SPATA31A1: variants seen among roughly 807,000 people sequenced by gnomAD.
The protein encoded by SPATA31A1 is SPATA31 subfamily A member 1, also known as spermatogenesis-associated protein 31A1.
For missense variants in SPATA31A1, 579 were observed against 1,476.3 expected, an observed-to-expected ratio of 0.39 and a Z score of 9.96; for synonymous variants, 194 against 573.4, an observed-to-expected ratio of 0.34 and a Z score of 9.45.
chr9:39,361,099 A>G lies in SPATA31A1; in HGVS notation c.3334A>G (p.Lys1112Glu), dbSNP rs1823456076. 1 of 1,611,212 alleles carries G rather than the reference A, an allele frequency of 6.2e-7. No individual in the cohort carries two copies. Among genetic ancestry groups the G allele is most frequent in the Admixed American group, 1.7e-5 (1 of 59,936 alleles). ...GTTTCCCCCTATTCACAAGAGTGAG[A>G]AGTCTAGGAAGCCCAACTTAGAAAA... is the stretch of plus-strand genomic sequence containing the variant. Reference protein sequence around the residue: ...PMFPPIHKSEKSRKPNLEKHE... With the variant: ...PMFPPIHKSEESRKPNLEKHE... Residue 1112 changes from lysine to glutamate, a missense_variant, in exon 4 of 4, where the codon AAG (lysine) becomes GAG (glutamate). Coordinates refer to ENST00000377647, the MANE Select transcript of SPATA31A1 (RefSeq NM_001085452.4).
At chr9:39,357,999 T>A in intron 3 of SPATA31A1, 75 bp from the exon 4 acceptor site, 17 of 1,580,436 alleles carry the variant, frequency 1.1e-5, no homozygotes, top group Non-Finnish European at 1.5e-5. Context: ...GTGGAGGGGC[T>A]GTGGCCCGAG....
At position 39,358,608 on chromosome 9, in the gene SPATA31A1, C is replaced by T. The variant is rs1412104132; in HGVS notation, c.843C>T (p.Ser281=). Reference sequence around the variant, plus strand: ...CAAACAGTCATGTTTCTGCCTCCTCCCGGTGGCAGGAGACTGCCAGAACCT... The same window carrying T: ...CAAACAGTCATGTTTCTGCCTCCTCTCGGTGGCAGGAGACTGCCAGAACCT... The part of the protein sequence containing the change: ...GGSNSHVSAS[S]RWQETARTSC... The change falls in exon 4 of 4, where the codon TCC becomes TCT. Residue 281 remains serine, a synonymous_variant. Coordinates refer to ENST00000377647, the MANE Select transcript of SPATA31A1 (RefSeq NM_001085452.4). 118 of 1,600,318 alleles carry T rather than the reference C, an allele frequency of 7.4e-5. No homozygotes were observed. The highest frequency in any genetic ancestry group is 9.7e-5 in the Non-Finnish European group (114 of 1,179,048).
rs1205616853 is a variant in SPATA31A1 at position 39,357,526 on chromosome 9, C to T, written c.248-232C>T. ...ACCTCAGTCCTTTCTCCCCACAGGG[C>T]AGTTGTGAGGACTGTGGGGGTGGGG... On this transcript the variant is annotated intron_variant, in intron 2 of 3. Transcript: ENST00000377647. 1.0e-5 allele frequency: 6 copies of T among 591,166 alleles called. No homozygotes were observed. The East Asian group carries it at 1.8e-4, about 17-fold the overall frequency. The allele number at this position is 591,166 out of a possible 1,614,324, so 36.6% of individuals were successfully genotyped here.
chr9:39,361,350 C>G lies in SPATA31A1; in HGVS notation c.3585C>G (p.Asn1195Lys), dbSNP rs2118438149. 6.2e-7 allele frequency: 1 copy of G among 1,613,590 alleles called. No individual in the cohort carries two copies. The highest frequency in any genetic ancestry group is 1.1e-5 in the South Asian group (1 of 91,056). ...VTAESQKTVK[N>K]RSCVYSSSAE... ...CTGAGAGCCAAAAAACAGTGAAAAA[C>G]AGATCATGTGTGTACAGCAGCAGTG... The change falls in exon 4 of 4, where the codon AAC becomes AAG. Residue 1195 changes from asparagine to lysine, a missense_variant. Asn to Lys is a moderately conservative substitution (Grantham distance 94, BLOSUM62 0). Coordinates refer to ENST00000377647, the MANE Select transcript of SPATA31A1 (RefSeq NM_001085452.4).
Position 39,361,962 on chromosome 9 carries a change from A to G in SPATA31A1, c.*153A>G. ...CAATATATATGGTTTTTTATTCATA[A>G]GAGGGTGATGGCTTTTATTTGTGCC... On this transcript the variant is annotated 3_prime_UTR_variant, in exon 4 of 4. Transcript: ENST00000377647. 1 of 1,234,936 alleles carries G rather than the reference A, an allele frequency of 8.1e-7. No individual in the cohort carries two copies. 76.5% of individuals were successfully genotyped at this position (1,234,936 alleles called of 1,614,324 possible).
intron 2 of SPATA31A1, chr9:39,357,408 A>T (rs1823356168): frequency 3.4e-6 from 1 of 292,946 alleles, no homozygotes; most frequent in African/African-American, 2.8e-5. Flanking sequence ...TGGGGAGACC[A>T]ATGCCTGCCT....
chr9:39,357,658 T>C, intron 2 of SPATA31A1, 100 bp from the exon 3 acceptor site: 1 of 1,594,244 alleles, frequency 6.3e-7, no homozygotes, highest in East Asian at 2.2e-5. Context: ...GGGCCCAGGG[T>C]CTAATTCCCC....
chr9:39,357,889 T>C, intron 3 of SPATA31A1, 71 bp downstream of exon 3: 3 of 1,504,006 alleles, frequency 2.0e-6, no homozygotes, highest in Non-Finnish European at 2.7e-6. Flanking sequence ...ACAGGCAGCC[T>C]GGAGCTGACC....
At chr9:39,357,599 T>C (rs1236808921) in intron 2 of SPATA31A1, among the ~76,000 whole-genome samples, 159 bp from the exon 3 acceptor site, 1 of 150,876 alleles carries the variant, frequency 6.6e-6, no homozygotes, top group Admixed American at 6.6e-5. Flanking sequence ...CTGTCCTCCA[T>C]GCATTGCTAT....
intron 3 of SPATA31A1, 116 bp downstream of exon 3, chr9:39,357,934 G>A (rs1251697167): frequency 2.5e-6 from 4 of 1,590,448 alleles, no homozygotes; most frequent in Admixed American, 3.4e-5. Flanking sequence ...GAGGATGGGA[G>A]TAAAACCCTG....
chr9:39,359,217 A>G lies in SPATA31A1; in HGVS notation c.1452A>G (p.Ser484=). The G allele has an allele frequency of 5.0e-6, 8 of 1,611,476 alleles. No homozygotes were observed. The South Asian group carries it at 5.5e-5, about 11-fold the overall frequency. Reference sequence around the variant, plus strand: ...GGCCCGAGTGCCAACCCTTTATTTCATCCACACCCCAATTCCGGCCCACAC... The same window carrying G: ...GGCCCGAGTGCCAACCCTTTATTTCGTCCACACCCCAATTCCGGCCCACAC... ...HLGPECQPFI[S]STPQFRPTPM... is the part of the protein sequence containing the mutation. The change falls in exon 4 of 4, where the codon TCA becomes TCG. Residue 484 remains serine, a synonymous_variant. Coordinates refer to ENST00000377647, the MANE Select transcript of SPATA31A1 (RefSeq NM_001085452.4).
In SPATA31A1 at chr9:39,361,539, C is replaced by T. The variant is rs1250150177; in HGVS notation, c.3774C>T (p.His1258=). ...CNHRHLFYSE[H]GRILSYAASS... ...ACAGGCACCTCTTCTACTCAGAACA[C>T]GGCAGAATACTGAGCTATGCAGCCA... Residue 1258 remains histidine (H), a synonymous_variant, in exon 4 of 4, where the codon CAC becomes CAT. Transcript: ENST00000377647. The T allele has an allele frequency of 5.0e-5, 81 of 1,612,600 alleles. 3 individuals carry two copies. The highest frequency in any genetic ancestry group is 3.5e-4 in the Middle Eastern group (2 of 5,754).
In SPATA31A1 at chr9:39,355,895, C is replaced by T. The variant is rs561000099; in HGVS notation, c.165C>T (p.Pro55=). ...YLSYFRCDDP[P]SPSPGKRKCP... is the part of the protein sequence containing the mutation. ...CTTACTTCCGTTGTGATGACCCACCCTCACCATCGCCTGGGAAGAGAAAGG... is the reference window on the plus strand; with the variant it reads ...CTTACTTCCGTTGTGATGACCCACCTTCACCATCGCCTGGGAAGAGAAAGG... The change falls in exon 1 of 4, where the codon CCC becomes CCT. Residue 55 remains proline, a synonymous_variant. Transcript: ENST00000377647. The T allele has an allele frequency of 5.7e-3, 1,579 of 276,600 alleles. 12 individuals are homozygous for T. Among genetic ancestry groups the T allele is most frequent in the Admixed American group, 0.011 (133 of 11,994 alleles). The allele number at this position is 276,600 out of a possible 1,614,324, so 17.1% of individuals were successfully genotyped here. A position where few individuals can be genotyped will look rare whatever the true frequency, so the allele number is the denominator to read the frequency against.
Position 39,358,713 on chromosome 9 carries a change from C to T in SPATA31A1, c.948C>T (p.Ser316=), listed in dbSNP as rs1823389676. The change falls in exon 4 of 4, where the codon AGC becomes AGT. Residue 316 remains serine, a synonymous_variant. Coordinates refer to ENST00000377647, the MANE Select transcript of SPATA31A1 (RefSeq NM_001085452.4). ...AGACCTACCAGATGGAAGCTGGTAG[C>T]CTGTTTTTGCTCAGCTCTGATGGCC... ...PPETYQMEAG[S]LFLLSSDGQN... The T allele has an allele frequency of 5.6e-6, 9 of 1,607,130 alleles. No individual in the cohort carries two copies. In the African/African-American group the frequency reaches 8.0e-5, roughly 14 times the overall value.
Position 39,359,096 on chromosome 9 carries a change from C to A in SPATA31A1, c.1331C>A (p.Pro444His), listed in dbSNP as rs1823398352. The change falls in exon 4 of 4, where the codon CCT becomes CAT. Residue 444 changes from proline to histidine, a missense_variant. Transcript: ENST00000377647. The stretch of plus-strand genomic sequence containing the variant: ...AGGTCTTATACTTTACAGTCTCCTC[C>A]TTTCTTGTTCAATGAAATGTCCAAT... ...TDRSYTLQSPPFLFNEMSNVC... is the reference protein window; with the variant it reads ...TDRSYTLQSPHFLFNEMSNVC... The A allele has an allele frequency of 6.2e-7, 1 of 1,610,134 alleles. No homozygotes were observed. Among genetic ancestry groups the A allele is most frequent in the African/African-American group, 1.3e-5 (1 of 74,400 alleles).
rs1162959457 is a variant in SPATA31A1 at position 39,361,154 on chromosome 9, C to T, written c.3389C>T (p.Thr1130Ile). The T allele has an allele frequency of 1.4e-5, 23 of 1,611,118 alleles. No homozygotes were observed. Among genetic ancestry groups the T allele is most frequent in the Non-Finnish European group, 1.9e-5 (22 of 1,179,656 alleles). The change falls in exon 4 of 4, where the codon ACT (threonine) becomes ATT (isoleucine). Residue 1130 changes from threonine to isoleucine, a missense_variant. Transcript: ENST00000377647. ...GAAGAAAGGCTTGAAGGATTGAGGA[C>T]TCCTCAACTTACCCCAGTCAGGAAA... ...KHEERLEGLR[T>I]PQLTPVRKTE...
At position 39,358,860 on chromosome 9, in the gene SPATA31A1, T is replaced by C; in HGVS notation, c.1095T>C (p.Asn365=). Residue 365 remains asparagine, a synonymous_variant, in exon 4 of 4, where the codon AAT becomes AAC. Coordinates refer to ENST00000377647, the MANE Select transcript of SPATA31A1 (RefSeq NM_001085452.4). ...TPEKHLNSLR[N]LAKSLDAEQD... ...AAAAGCACTTAAATTCTTTGCGGAATTTGGCTAAATCATTGGATGCTGAGC... is the reference window on the plus strand; with the variant it reads ...AAAAGCACTTAAATTCTTTGCGGAACTTGGCTAAATCATTGGATGCTGAGC... 1 of 1,596,052 alleles carries C rather than the reference T, an allele frequency of 6.3e-7. No homozygotes were observed. Among genetic ancestry groups the C allele is most frequent in the East Asian group, 2.2e-5 (1 of 44,844 alleles).
chr9:39,358,789 G>T lies in SPATA31A1; in HGVS notation c.1024G>T (p.Glu342Ter). 6.3e-7 allele frequency: 1 copy of T among 1,599,362 alleles called. No individual in the cohort carries two copies. Among genetic ancestry groups the T allele is most frequent in the Non-Finnish European group, 8.5e-7 (1 of 1,179,756 alleles). Reference protein sequence around the residue: ...VTETAKVNIWEEKENVGSFTD... With the variant: ...VTETAKVNIW ...AGAAACAGCCAAGGTCAACATTTGG[G>T]AAGAAAAAGAAAATGTTGGATCATT... is the stretch of plus-strand genomic sequence containing the variant. Residue 342 changes from glutamate to a stop codon, truncating the protein, a stop_gained, in exon 4 of 4, where the codon GAA becomes TAA. Coordinates refer to ENST00000377647, the MANE Select transcript of SPATA31A1 (RefSeq NM_001085452.4). LOFTEE classifies it low-confidence loss of function (END_TRUNC).
In SPATA31A1 at chr9:39,361,906, T is replaced by G; in HGVS notation, c.*97T>G. On this transcript the variant is annotated 3_prime_UTR_variant, in exon 4 of 4. Transcript: ENST00000377647. The stretch of plus-strand genomic sequence containing the variant: ...TGTAGAGAAAAAATATTTTCTCTCA[T>G]GTTAGTACATGCAGAACATTTAATA... The G allele has an allele frequency of 2.6e-6, 4 of 1,526,328 alleles. No individual in the cohort carries two copies. The highest frequency in any genetic ancestry group is 3.5e-6 in the Non-Finnish European group (4 of 1,131,608). 94.5% of individuals were successfully genotyped at this position (1,526,328 alleles called of 1,614,324 possible). A position where few individuals can be genotyped will look rare whatever the true frequency, so the allele number is the denominator to read the frequency against.
Sources: allele counts gnomAD v4.1 joint callset (sites outside exome capture counted in the v4.1 genomes callset), GRCh38; gene constraint gnomAD v4.1.1; transcripts MANE v1.5; gene names NCBI Gene and HGNC (gene_info 2026-07-23, HGNC 2026-07-21).